Variants in ADGRG7 observed in about 807,000 individuals in gnomAD.
ADGRG7 encodes adhesion G protein-coupled receptor G7.
Under a neutral mutation model 88.6 loss-of-function variants are expected in ADGRG7, and 82 were observed. The ratio of observed to expected loss-of-function variants is 0.93; its 90% CI spans 0.77 to 1.11. The LOEUF (loss-of-function observed/expected upper bound fraction) is 1.11. ADGRG7 is among the 50% of genes most tolerant of loss of function. ADGRG7 has a pLI of 0.00. For missense variants in ADGRG7, 945 were observed against 953.4 expected (o/e 0.99, Z 0.12); for synonymous variants, 381 against 345.2 (o/e 1.10, Z -1.15).
At chr3:100,621,199 A>G (rs1707307115) in intron 1 of ADGRG7, among the ~76,000 whole-genome samples, 3 of 152,144 alleles carry the variant, frequency 2.0e-5, no homozygotes, top group South Asian at 2.1e-4. Context: ...AATTAGGCCA[A>G]TTAATAATCC....
rs2094999913 is a variant in ADGRG7 at position 100,694,955 on chromosome 3, A to T, written c.2348A>T (p.Glu783Val). 4 of 1,614,034 alleles carry T rather than the reference A, an allele frequency of 2.5e-6. No individual in the cohort carries two copies. The South Asian group carries it at 4.4e-5, about 18-fold the overall frequency. ...FRLLETSPST[E>V]EITLSESDNA... ...CTACTGGAAACCTCTCCGAGTACTG[A>T]GGAAATCACACTCTCTGAAAGTGAC... The change falls in exon 16 of 16, where the codon GAG becomes GTG. Residue 783 changes from glutamate to valine, a missense_variant. Transcript: ENST00000273352.
intron 14 of ADGRG7, among the ~76,000 whole-genome samples, 184 bp from the exon 15 acceptor site, chr3:100,668,765 C>T (rs557308740): frequency 1.5e-4 from 23 of 152,268 alleles, no homozygotes; most frequent in African/African-American, 5.1e-4. Context: ...ATAAAGCTTG[C>T]TAAATCAGAT....
chr3:100,665,268 T>C (rs878923181), intron 14 of ADGRG7: 10 of 540,634 alleles, frequency 1.8e-5, no homozygotes, highest in Non-Finnish European at 3.0e-5. Context: ...TTTATAACTA[T>C]ACACAATGAA....
At chr3:100,619,719 A>T (rs925604885) in intron 1 of ADGRG7, among the ~76,000 whole-genome samples, 20 of 152,184 alleles carry the variant, frequency 1.3e-4, no homozygotes, top group Non-Finnish European at 2.6e-4. Flanking sequence ...AAAATGATAA[A>T]GGGGATATCA....
rs2094936128 is a variant in ADGRG7, at chr3:100,655,290, A to AGATAGAAAATATAGT, written c.1726+113_1726+127dup. 3 of 746,062 alleles carry AGATAGAAAATATAGT rather than the reference A, an allele frequency of 4.0e-6. No individual in the cohort carries two copies. In the South Asian group the frequency reaches 5.8e-5, roughly 14 times the overall value. The allele number at this position is 746,062 out of a possible 1,614,324, so 46.2% of individuals were successfully genotyped here. A position where few individuals can be genotyped will look rare whatever the true frequency, so the allele number is the denominator to read the frequency against. ...CCAAGGCCTTGACGTAATTAAGAGG[A>AGATAGAAAATATAGT]GATAGAAAATATAGTGATTGCTAAG... On this transcript the variant is annotated intron_variant, in intron 12 of 15. Transcript: ENST00000273352.
chr3:100,616,215 ATAAT>A (rs1292639644), intron 1 of ADGRG7, among the ~76,000 whole-genome samples: 1 of 152,210 alleles, frequency 6.6e-6, no homozygotes, highest in Non-Finnish European at 1.5e-5. Flanking sequence ...TCATGGAAGA[ATAAT>A]AAATAAGACA....
chr3:100,691,153 C>T (rs1287771720), intron 15 of ADGRG7, among the ~76,000 whole-genome samples: 1 of 152,210 alleles, frequency 6.6e-6, no homozygotes, highest in Non-Finnish European at 1.5e-5. Context: ...GGGCGTAGGA[C>T]CCTCCGACCC....
At chr3:100,670,176 C>T (rs1244154899) in intron 15 of ADGRG7, among the ~76,000 whole-genome samples, 3 of 152,088 alleles carry the variant, frequency 2.0e-5, no homozygotes, top group African/African-American at 7.2e-5. Context: ...CATTCCCAGC[C>T]TCTGGTAACA....
chr3:100,635,294 A>C (rs914564256), intron 4 of ADGRG7, among the ~76,000 whole-genome samples: 1 of 152,256 alleles, frequency 6.6e-6, no homozygotes, highest in African/African-American at 2.4e-5. Context: ...CCAAAATTTT[A>C]GAACTGTTAG....
At chr3:100,673,702 C>T (rs1336248255) in intron 15 of ADGRG7, among the ~76,000 whole-genome samples, 1 of 152,138 alleles carries the variant, frequency 6.6e-6, no homozygotes, top group Non-Finnish European at 1.5e-5. Flanking sequence ...CATGGTCCAC[C>T]CGCCTTGGCC....
At chr3:100,630,856 C>T in intron 3 of ADGRG7, 47 bp downstream of exon 3, 2 of 1,048,756 alleles carry the variant, frequency 1.9e-6, no homozygotes, top group Non-Finnish European at 2.7e-6. Flanking sequence ...AATTACTATG[C>T]TGAGTCATAC....
At chr3:100,649,602 G>C in intron 10 of ADGRG7, 93 bp from the exon 11 acceptor site, 1 of 635,576 alleles carries the variant, frequency 1.6e-6, no homozygotes, top group South Asian at 2.2e-5. Context: ...GCAACTGTCT[G>C]GTTATTTTGA....
chr3:100,634,072 C>T (rs143550905), intron 4 of ADGRG7, among the ~76,000 whole-genome samples: 42 of 152,252 alleles, frequency 2.8e-4, no homozygotes, highest in African/African-American at 8.7e-4. Context: ...AAACCTGATG[C>T]GGGTCTCAGG....
At chr3:100,692,438 C>A (rs2094995526) in intron 15 of ADGRG7, among the ~76,000 whole-genome samples, 1 of 152,094 alleles carries the variant, frequency 6.6e-6, no homozygotes, top group Non-Finnish European at 1.5e-5. Context: ...AGGGAGGAAT[C>A]TGAATGAAGG....
chr3:100,656,408 G>A (rs370471280), intron 13 of ADGRG7, among the ~76,000 whole-genome samples: 12 of 152,122 alleles, frequency 7.9e-5, no homozygotes, highest in South Asian at 6.2e-4. Flanking sequence ...TTAATAACTC[G>A]AACACTATAT....
chr3:100,644,572 T>C (rs1172481995), intron 8 of ADGRG7, among the ~76,000 whole-genome samples: 2 of 152,094 alleles, frequency 1.3e-5, no homozygotes, highest in Admixed American at 1.3e-4. Context: ...AATATTACAG[T>C]TGCACCTGAA....
At chr3:100,645,899 A>T (rs1247113323) in intron 8 of ADGRG7, 46 bp from the exon 9 acceptor site, 4 of 1,541,708 alleles carry the variant, frequency 2.6e-6, no homozygotes, top group African/African-American at 1.4e-5. Context: ...TTTTTTGTTT[A>T]CCTTACAGTG....
chr3:100,655,773 T>C (rs2094936757), intron 12 of ADGRG7, 126 bp from the exon 13 acceptor site: 6 of 619,174 alleles, frequency 9.7e-6, no homozygotes, highest in Non-Finnish European at 1.8e-5. Context: ...GATCACTTTG[T>C]ATATTGTCCA....
intron 15 of ADGRG7, among the ~76,000 whole-genome samples, chr3:100,683,573 A>AC (rs1281569655): frequency 6.6e-6 from 1 of 152,028 alleles, no homozygotes; most frequent in African/African-American, 2.4e-5. Context: ...CTGTGGCCGG[A>AC]CCCCATGCTT....
Sources: gnomAD v4.1 joint callset for allele counts (sites outside exome capture counted in the v4.1 genomes callset) on GRCh38, gnomAD v4.1.1 for gene constraint, MANE v1.5 for transcripts, NCBI Gene and HGNC (gene_info 2026-07-23, HGNC 2026-07-21) for gene names.